The following SPON1 variants were observed in gnomAD, a reference collection of about 807,000 sequenced individuals.
SPON1 encodes spondin-1.
In SPON1, 52 loss-of-function variants were observed where a neutral mutation model predicts 111.7. The ratio of observed to expected loss-of-function variants is 0.47; its 90% CI spans 0.37 to 0.59. SPON1 has a LOEUF of 0.59. SPON1 is among the 20% of genes least tolerant of loss of function. The pLI, the probability that SPON1 is intolerant of heterozygous loss-of-function variation, is 0.00. For synonymous variants in SPON1, 410 were observed against 395.8 expected, an observed-to-expected ratio of 1.04 and a Z score of -0.43; for missense variants, 957 against 1,068.5, an observed-to-expected ratio of 0.90 and a Z score of 1.46.
intron 6 of SPON1, among the ~76,000 whole-genome samples, chr11:14,176,910 G>A (rs373902934): frequency 9.2e-5 from 14 of 152,166 alleles, no homozygotes; most frequent in South Asian, 6.2e-4. Flanking sequence ...AGACAGAGCC[G>A]ATTATTCAAG....
rs1001301137 is a variant in SPON1 at position 14,217,012 on chromosome 11, A to G, written c.826-26320A>G. Among the ~76,000 whole-genome samples the G allele has an allele frequency of 4.6e-5, 7 of 152,240 alleles. No homozygotes were observed. The East Asian group carries it at 9.6e-4, about 21-fold the overall frequency. Reference sequence around the variant, plus strand: ...AGCATCAGCCTGATCTAACCAAACAATGCCATCTCAGTAGGATACTGGTGA... The same window carrying G: ...AGCATCAGCCTGATCTAACCAAACAGTGCCATCTCAGTAGGATACTGGTGA... On this transcript the variant is annotated intron_variant, in intron 6 of 15. Transcript: ENST00000576479.
chr11:14,103,595 T>C (rs1849162348), intron 5 of SPON1, among the ~76,000 whole-genome samples: 1 of 152,226 alleles, frequency 6.6e-6, no homozygotes, highest in Non-Finnish European at 1.5e-5. Flanking sequence ...AGGATAGCCT[T>C]TGATCTCCTC....
intron 10 of SPON1, among the ~76,000 whole-genome samples, chr11:14,257,371 G>A (rs1392945511): frequency 2.0e-5 from 3 of 152,204 alleles, no homozygotes; most frequent in Non-Finnish European, 2.9e-5. Flanking sequence ...TGAAGCCATG[G>A]CATGTAAATA....
chr11:14,069,166 C>T (rs1206596092), intron 3 of SPON1, among the ~76,000 whole-genome samples: 10 of 152,170 alleles, frequency 6.6e-5, no homozygotes, highest in Admixed American at 2.0e-4. Flanking sequence ...CATTGGTGTT[C>T]GTACCTAGGA....
At chr11:13,974,137 A>G (rs1848084562) in intron 1 of SPON1, among the ~76,000 whole-genome samples, 1 of 152,232 alleles carries the variant, frequency 6.6e-6, no homozygotes, top group African/African-American at 2.4e-5. Flanking sequence ...ATAGAAATAT[A>G]TGAGTTGCAG....
At chr11:14,063,121 A>T (rs1450675396) in intron 3 of SPON1, among the ~76,000 whole-genome samples, 1 of 152,152 alleles carries the variant, frequency 6.6e-6, no homozygotes, top group Non-Finnish European at 1.5e-5. Flanking sequence ...GATGTGCAAC[A>T]TGGAAATGTA....
At chr11:14,028,943 C>A (rs1554915688) in intron 2 of SPON1, among the ~76,000 whole-genome samples, 3 of 152,180 alleles carry the variant, frequency 2.0e-5, no homozygotes. Context: ...ATAATTCCTC[C>A]TCCTCTTCCT....
chr11:14,225,181 A>T (rs1400086293), intron 6 of SPON1, among the ~76,000 whole-genome samples: 4 of 152,096 alleles, frequency 2.6e-5, no homozygotes, highest in African/African-American at 9.7e-5. Context: ...GAGTCCATAA[A>T]TGTCACACTC....
chr11:14,234,536 T>TGGTA (rs1474377072), intron 6 of SPON1, among the ~76,000 whole-genome samples: 3 of 152,204 alleles, frequency 2.0e-5, no homozygotes, highest in Non-Finnish European at 4.4e-5. Flanking sequence ...AAATCCAGGA[T>TGGTA]GGTACTTCAG....
At chr11:14,213,820 G>C (rs1848600816) in intron 6 of SPON1, among the ~76,000 whole-genome samples, 1 of 152,190 alleles carries the variant, frequency 6.6e-6, no homozygotes, top group Admixed American at 6.5e-5. Context: ...AGTTGCATTT[G>C]GGTTGCATCT....
At chr11:14,253,869 C>A (rs548481512) in intron 7 of SPON1, among the ~76,000 whole-genome samples, 5 of 152,314 alleles carry the variant, frequency 3.3e-5, no homozygotes, top group African/African-American at 1.2e-4. Context: ...GTGTGCTTTG[C>A]GAATGTGACT....
chr11:14,078,673 C>T (rs1276549195), intron 4 of SPON1, among the ~76,000 whole-genome samples: 6 of 152,118 alleles, frequency 3.9e-5, no homozygotes, highest in African/African-American at 7.2e-5. Flanking sequence ...GAACAGGTTA[C>T]CTAATCTGCT....
intron 5 of SPON1, among the ~76,000 whole-genome samples, chr11:14,105,836 C>T (rs904308615): frequency 1.3e-5 from 2 of 152,188 alleles, no homozygotes; most frequent in Non-Finnish European, 2.9e-5. Context: ...TTGAGCACAT[C>T]ATGTCCTAAA....
intron 9 of SPON1, 137 bp downstream of exon 9, chr11:14,255,924 G>T: frequency 5.5e-6 from 5 of 907,284 alleles, no homozygotes; most frequent in Non-Finnish European, 4.8e-6. Flanking sequence ...GCCTCCCCAG[G>T]TTTCTAACAT....
intron 5 of SPON1, 103 bp downstream of exon 5, chr11:14,080,124 T>A: frequency 1.5e-6 from 2 of 1,367,314 alleles, no homozygotes; most frequent in Non-Finnish European, 2.0e-6. Flanking sequence ...TGCTCCCTAG[T>A]ATTGGCTGGT....
intron 3 of SPON1, among the ~76,000 whole-genome samples, chr11:14,049,177 T>C (rs1848690576): frequency 6.6e-6 from 1 of 152,224 alleles, no homozygotes; most frequent in Admixed American, 6.5e-5. Flanking sequence ...GTGATCTTCA[T>C]ACTGTACTCT....
chr11:14,260,028 C>T (rs1197083674), intron 13 of SPON1, among the ~76,000 whole-genome samples: 1 of 152,066 alleles, frequency 6.6e-6, no homozygotes, highest in African/African-American at 2.4e-5. Flanking sequence ...TACATTTAGG[C>T]GGGACATACA....
chr11:14,015,902 A>G (rs1848441002), intron 2 of SPON1, among the ~76,000 whole-genome samples: 1 of 152,138 alleles, frequency 6.6e-6, no homozygotes, highest in Non-Finnish European at 1.5e-5. Flanking sequence ...GGCTCATAGC[A>G]GGCTGGGGTA....
intron 2 of SPON1, among the ~76,000 whole-genome samples, chr11:14,039,412 G>C (rs1367111000): frequency 6.6e-6 from 1 of 152,110 alleles, no homozygotes. Context: ...TTGATAGTGA[G>C]GGAGACTGTG....
Sources: gnomAD v4.1 joint callset for allele counts (sites outside exome capture counted in the v4.1 genomes callset) on GRCh38, gnomAD v4.1.1 for gene constraint, MANE v1.5 for transcripts, NCBI Gene and HGNC (gene_info 2026-07-23, HGNC 2026-07-21) for gene names.